The following SLC44A5 variants were observed in gnomAD, a reference collection of about 807,000 sequenced individuals.
SLC44A5 encodes the protein choline transporter-like protein 5.
Under a neutral mutation model 101.8 loss-of-function variants are expected in SLC44A5, and 57 were observed. The ratio of observed to expected loss-of-function variants is 0.56; its 90% CI spans 0.45 to 0.70. The LOEUF (loss-of-function observed/expected upper bound fraction) is 0.70, where lower values mean the gene tolerates loss of function less well. Among genes scored for constraint, SLC44A5 ranks in the 30% least tolerant of loss-of-function variants. SLC44A5 has a pLI of 0.00. For missense variants in SLC44A5, 737 were observed against 853.1 expected, an observed-to-expected ratio of 0.86 and a Z score of 1.70; for synonymous variants, 281 against 290.9, an observed-to-expected ratio of 0.97 and a Z score of 0.35.
intron 2 of SLC44A5, among the ~76,000 whole-genome samples, chr1:75,405,106 TTACA>T (rs1662759076): frequency 6.6e-6 from 1 of 152,206 alleles, no homozygotes; most frequent in South Asian, 2.1e-4. Flanking sequence ...AAGAAGGGCA[TTACA>T]TACTGGTAAA....
chr1:75,292,592 T>C (rs1653646861), intron 5 of SLC44A5, among the ~76,000 whole-genome samples: 1 of 152,184 alleles, frequency 6.6e-6, no homozygotes, highest in Admixed American at 6.5e-5. Context: ...TTACTGAAGA[T>C]TGACAATGGC....
At chr1:75,416,575 C>T (rs954893795) in intron 2 of SLC44A5, among the ~76,000 whole-genome samples, 2 of 152,112 alleles carry the variant, frequency 1.3e-5, no homozygotes, top group Non-Finnish European at 2.9e-5. Context: ...TCCTCCAGAC[C>T]CCAGAATGAT....
In SLC44A5 at chr1:75,202,920, A is replaced by G. The variant is rs1646687652; in HGVS notation, c.*807T>C. ...TCGGGGTTTGTTTCTTCTTGCGTGT[A>G]GTACACATTCATGAATGTCCACTAG... On this transcript the variant is annotated 3_prime_UTR_variant, in exon 24 of 24. Transcript: ENST00000370859. 1.3e-5 allele frequency: 2 copies of G among 152,126 alleles called. No homozygotes were observed. Among genetic ancestry groups the G allele is most frequent in the South Asian group, 2.1e-4 (1 of 4,834 alleles). The allele number at this position is 152,126 out of a possible 1,614,324, so 9.4% of individuals were successfully genotyped here. A position where few individuals can be genotyped will look rare whatever the true frequency, so the allele number is the denominator to read the frequency against.
intron 12 of SLC44A5, among the ~76,000 whole-genome samples, chr1:75,232,669 T>A (rs966537402): frequency 6.6e-6 from 1 of 152,140 alleles, no homozygotes; most frequent in Non-Finnish European, 1.5e-5. Flanking sequence ...ACCCAATGCA[T>A]ACTGATTGTC....
chr1:75,391,048 A>G (rs1661753022), intron 3 of SLC44A5, among the ~76,000 whole-genome samples: 1 of 152,194 alleles, frequency 6.6e-6, no homozygotes, highest in Non-Finnish European at 1.5e-5. Context: ...GTACAGCAGT[A>G]ACATTCAAGC....
chr1:75,323,089 G>A (rs1476237467), intron 4 of SLC44A5, among the ~76,000 whole-genome samples: 15 of 71,852 alleles, frequency 2.1e-4, no homozygotes, highest in East Asian at 8.3e-4. Flanking sequence ...TATCCCTCCC[G>A]CCTCCCCCCA....
chr1:75,638,092 A>T, the SLC44A5 span, among the ~76,000 whole-genome samples: 1 of 152,032 alleles, frequency 6.6e-6, no homozygotes, highest in Non-Finnish European at 1.5e-5. Context: ...TTACATGGCA[A>T]TTGTTGTATT....
chr1:75,651,594 G>A, the SLC44A5 span, among the ~76,000 whole-genome samples: 1 of 151,574 alleles, frequency 6.6e-6, no homozygotes, highest in Non-Finnish European at 1.5e-5. Flanking sequence ...CTACTCGGGA[G>A]GCTGAGGCAG....
intron 3 of SLC44A5, among the ~76,000 whole-genome samples, chr1:75,368,431 A>C (rs544842660): frequency 1.3e-5 from 2 of 152,216 alleles, no homozygotes; most frequent in Non-Finnish European, 2.9e-5. Flanking sequence ...TTTGATCCAC[A>C]GTTGGCTAAA....
the SLC44A5 span, among the ~76,000 whole-genome samples, chr1:75,645,165 T>C: frequency 1.3e-5 from 2 of 152,172 alleles, no homozygotes; most frequent in Non-Finnish European, 2.9e-5. Context: ...CTGGGTCAAA[T>C]GGTATTTCTA....
chr1:75,477,876 C>A (rs868254889), intron 2 of SLC44A5, among the ~76,000 whole-genome samples: 2 of 151,970 alleles, frequency 1.3e-5, no homozygotes, highest in Admixed American at 1.3e-4. Context: ...GGCAGGCCAA[C>A]ATTCAGATTC....
chr1:75,601,881 CA>C (rs1675005043), intron 1 of SLC44A5, among the ~76,000 whole-genome samples: 2 of 151,930 alleles, frequency 1.3e-5, no homozygotes, highest in African/African-American at 4.8e-5. Context: ...TTCTCAGCCT[CA>C]AAACAAACAA....
chr1:75,693,361 C>T, the SLC44A5 span, among the ~76,000 whole-genome samples: 23 of 152,236 alleles, frequency 1.5e-4, no homozygotes, highest in East Asian at 3.9e-3. Context: ...TCCCATTTAC[C>T]TTGGCACCCA....
At chr1:75,636,511 T>G in the SLC44A5 span, among the ~76,000 whole-genome samples, 2 of 152,094 alleles carry the variant, frequency 1.3e-5, no homozygotes, top group South Asian at 4.1e-4. Flanking sequence ...GATTTAGAAT[T>G]CAGATAATAC....
chr1:75,538,325 T>C (rs1367920051), intron 2 of SLC44A5, among the ~76,000 whole-genome samples: 2 of 152,254 alleles, frequency 1.3e-5, no homozygotes, highest in Non-Finnish European at 1.5e-5. Context: ...CTCTGTATTC[T>C]ATATCAGTAT....
At position 75,211,520 on chromosome 1, in the gene SLC44A5, A is replaced by G; in HGVS notation, c.1995T>C (p.His665=). 6.2e-7 allele frequency: 1 copy of G among 1,612,836 alleles called. No individual in the cohort carries two copies. Among genetic ancestry groups the G allele is most frequent in the Non-Finnish European group, 8.5e-7 (1 of 1,179,152 alleles). ...TVIFGSYLIA[H]GFFSVYAMCV... is the part of the protein sequence containing the mutation. ...ACATTGCATAGACGCTGAAGAACCC[A>G]TGTGCAATCAGGTAAGACCCAAAAA... The change falls in exon 23 of 24, where the codon CAT becomes CAC. Residue 665 remains histidine (H), a synonymous_variant. Transcript: ENST00000370859.
In SLC44A5 at chr1:75,537,025, A is replaced by ATAT. The variant is rs1437539277; in HGVS notation, c.13+4409_13+4410insATA. On this transcript the variant is annotated intron_variant, in intron 2 of 23. Coordinates refer to ENST00000370859, the MANE Select transcript of SLC44A5 (RefSeq NM_001130058.2). ...CATCTCAAAAAAAAAAAAAAAAAAA[A>ATAT]AAAAAAAAATATATATCTATGCCAA... Among the ~76,000 whole-genome samples the ATAT allele has an allele frequency of 2.5e-4, 7 of 27,608 alleles. No homozygotes were observed. In the East Asian group the frequency reaches 0.023, roughly 92 times the overall value. The allele number at this position is 27,608 out of a possible 152,430, so 18.1% of individuals were successfully genotyped here.
At chr1:75,283,575 C>T (rs1276627496) in intron 5 of SLC44A5, among the ~76,000 whole-genome samples, 6 of 152,052 alleles carry the variant, frequency 3.9e-5, no homozygotes, top group African/African-American at 1.4e-4. Flanking sequence ...TTTGTCTAAG[C>T]CAATGTCCAG....
chr1:75,312,710 A>C (rs917487877), intron 4 of SLC44A5, among the ~76,000 whole-genome samples: 3 of 151,380 alleles, frequency 2.0e-5, no homozygotes, highest in African/African-American at 7.3e-5. Flanking sequence ...TATATATAGC[A>C]GCACAAAACA....
Sources: allele counts gnomAD v4.1 joint callset (sites outside exome capture counted in the v4.1 genomes callset), GRCh38; gene constraint gnomAD v4.1.1; transcripts MANE v1.5; gene names NCBI Gene and HGNC (gene_info 2026-07-23, HGNC 2026-07-21).